SPNS3: variants seen among roughly 807,000 people sequenced by gnomAD.
SPNS3 encodes the protein protein spinster homolog 3.
SPNS3 carries 51 observed loss-of-function variants against 54.4 expected under a neutral mutation model. That is an observed-to-expected ratio of 0.94 (90% CI 0.75 to 1.18). SPNS3 has a LOEUF of 1.18. Ranked by LOEUF, SPNS3 falls within the 50% of genes most tolerant of loss-of-function variation. SPNS3 has a pLI of 0.00. For synonymous variants in SPNS3, 309 were observed against 294.7 expected, an observed-to-expected ratio of 1.05 and a Z score of -0.50; for missense variants, 669 against 677.4, an observed-to-expected ratio of 0.99 and a Z score of 0.14.
intron 8 of SPNS3, among the ~76,000 whole-genome samples, chr17:4,467,822 T>C (rs1311234618): frequency 2.0e-5 from 3 of 152,148 alleles, no homozygotes; most frequent in East Asian, 1.9e-4. Context: ...CCTGCCACCA[T>C]GCCCGGCTAA....
At chr17:4,459,106 C>T (rs1971424889) in intron 8 of SPNS3, among the ~76,000 whole-genome samples, 1 of 152,158 alleles carries the variant, frequency 6.6e-6, no homozygotes, top group Non-Finnish European at 1.5e-5. Context: ...ACCGTCTCTC[C>T]ATGGATTCCT....
Position 4,447,092 on chromosome 17 carries a change from A to C in SPNS3, c.621+130A>C. On this transcript the variant is annotated intron_variant, in intron 5 of 11. Transcript: ENST00000355530. ...GGGGGACGGGGGGTGGTGGTCAGGC[A>C]TCGGCAGCTTTGGACATGTGGGGCC... 8 of 934,308 alleles carry C rather than the reference A, an allele frequency of 8.6e-6. No individual in the cohort carries two copies. In the South Asian group the frequency reaches 1.2e-4, roughly 13 times the overall value. 57.9% of individuals were successfully genotyped at this position (934,308 alleles called of 1,614,324 possible). A position where few individuals can be genotyped will look rare whatever the true frequency, so the allele number is the denominator to read the frequency against.
chr17:4,437,646 G>A (rs1301390295), intron 1 of SPNS3, among the ~76,000 whole-genome samples: 1 of 150,386 alleles, frequency 6.6e-6, no homozygotes, highest in Non-Finnish European at 1.5e-5. Flanking sequence ...CAGCCTGGAT[G>A]AAATAGTGAG....
intron 9 of SPNS3, among the ~76,000 whole-genome samples, chr17:4,481,612 C>T (rs1972152513): frequency 6.6e-6 from 1 of 152,172 alleles, no homozygotes; most frequent in South Asian, 2.1e-4. Flanking sequence ...CAGAGGGCAG[C>T]AGAGCCCAGG....
intron 8 of SPNS3, among the ~76,000 whole-genome samples, chr17:4,471,211 A>G (rs937282186): frequency 6.6e-6 from 1 of 152,192 alleles, no homozygotes; most frequent in Non-Finnish European, 1.5e-5. Flanking sequence ...GGCGTGAGCC[A>G]CTGTGCCTGG....
intron 8 of SPNS3, among the ~76,000 whole-genome samples, chr17:4,459,995 G>A (rs148952211): frequency 2.0e-4 from 30 of 152,278 alleles, no homozygotes; most frequent in African/African-American, 6.3e-4. Flanking sequence ...TGAGAAGGTA[G>A]TTGTTGAATA....
chr17:4,476,512 G>C (rs556762169), intron 8 of SPNS3, among the ~76,000 whole-genome samples: 1 of 152,348 alleles, frequency 6.6e-6, no homozygotes, highest in African/African-American at 2.4e-5. Context: ...GCAATGTGAA[G>C]GGGGGAGAGG....
intron 11 of SPNS3, among the ~76,000 whole-genome samples, chr17:4,487,237 A>G (rs1368033366): frequency 1.3e-5 from 2 of 151,866 alleles, no homozygotes; most frequent in Admixed American, 1.3e-4. Context: ...GCACAGGCGA[A>G]ACTAGAGCAA....
chr17:4,463,785 C>A (rs1216528274), intron 8 of SPNS3, among the ~76,000 whole-genome samples: 3 of 150,650 alleles, frequency 2.0e-5, no homozygotes, highest in African/African-American at 7.3e-5. Flanking sequence ...ATACATTTAG[C>A]ATGAACATGC....
chr17:4,453,819 T>C (rs1474115647), intron 8 of SPNS3, among the ~76,000 whole-genome samples: 1 of 152,164 alleles, frequency 6.6e-6, no homozygotes. Context: ...CTCCCCAGGT[T>C]ACAGAGGAGG....
At chr17:4,455,696 G>A (rs917109654) in intron 8 of SPNS3, among the ~76,000 whole-genome samples, 3 of 152,162 alleles carry the variant, frequency 2.0e-5, no homozygotes, top group Admixed American at 6.5e-5. Flanking sequence ...CCACGACACT[G>A]CAGACTACTC....
chr17:4,438,515 A>G (rs1970770806), intron 1 of SPNS3, among the ~76,000 whole-genome samples: 2 of 152,178 alleles, frequency 1.3e-5, no homozygotes, highest in South Asian at 2.1e-4. Flanking sequence ...GACCCTTTCT[A>G]GGACACCAAG....
At chr17:4,469,283 C>T (rs1159062887) in intron 8 of SPNS3, among the ~76,000 whole-genome samples, 1 of 151,832 alleles carries the variant, frequency 6.6e-6, no homozygotes, top group Non-Finnish European at 1.5e-5. Context: ...GACGGGGTTT[C>T]ACTATGTTAC....
intron 2 of SPNS3, among the ~76,000 whole-genome samples, chr17:4,443,166 G>T (rs1480092118): frequency 1.3e-5 from 2 of 152,078 alleles, no homozygotes; most frequent in Non-Finnish European, 2.9e-5. Flanking sequence ...CACCTCCCAG[G>T]TTCAAGCAAT....
At chr17:4,469,646 T>C (rs1971803692) in intron 8 of SPNS3, among the ~76,000 whole-genome samples, 1 of 144,002 alleles carries the variant, frequency 6.9e-6, no homozygotes, top group African/African-American at 2.6e-5. Context: ...AAAAAGCAAT[T>C]GGATATGTAT....
chr17:4,452,119 T>G (rs1276765114), intron 7 of SPNS3, among the ~76,000 whole-genome samples: 1 of 151,164 alleles, frequency 6.6e-6, no homozygotes, highest in African/African-American at 2.4e-5. Context: ...TGCTCACCTA[T>G]CCATCTGGGA....
chr17:4,468,978 G>A (rs1209202190), intron 8 of SPNS3, among the ~76,000 whole-genome samples: 1 of 151,806 alleles, frequency 6.6e-6, no homozygotes, highest in Non-Finnish European at 1.5e-5. Flanking sequence ...GTAGAGACGG[G>A]GGTTTCACGA....
chr17:4,482,803 T>A (rs971510814), intron 9 of SPNS3, among the ~76,000 whole-genome samples: 1 of 151,966 alleles, frequency 6.6e-6, no homozygotes, highest in Non-Finnish European at 1.5e-5. Context: ...CCCGCCCCAC[T>A]CAGGATGGCC....
intron 3 of SPNS3, 64 bp from the exon 4 acceptor site, chr17:4,445,984 C>G: frequency 6.5e-7 from 1 of 1,533,206 alleles, no homozygotes; most frequent in Non-Finnish European, 8.8e-7. Context: ...CCGACAAACC[C>G]TCGGGTCCCT....
Sources: allele counts gnomAD v4.1 joint callset (sites outside exome capture counted in the v4.1 genomes callset), GRCh38; gene constraint gnomAD v4.1.1; transcripts MANE v1.5; gene names NCBI Gene and HGNC (gene_info 2026-07-23, HGNC 2026-07-21).